Variants in FRMPD4 observed in about 807,000 individuals in gnomAD.
FRMPD4 encodes the protein FERM and PDZ domain-containing protein 4.
FRMPD4 carries 22 observed loss-of-function variants against 94.1 expected under a neutral mutation model. The observed-to-expected ratio is 0.23, with a 90% CI of 0.17 to 0.33. The LOEUF (loss-of-function observed/expected upper bound fraction) is 0.33, where lower values mean the gene tolerates loss of function less well. Ranked by LOEUF, FRMPD4 falls within the 10% of genes least tolerant of loss-of-function variation. FRMPD4 has a pLI of 1.00. For missense variants in FRMPD4, 1,111 were observed against 1,339.9 expected (o/e 0.83, Z 2.67); for synonymous variants, 631 against 548.6 (o/e 1.15, Z -2.10).
At chrX:12,046,308 G>A (rs1291477111) in intron 3 of FRMPD4, among the ~76,000 whole-genome samples, 1 of 111,149 alleles carries the variant, frequency 9.0e-6, no homozygotes, top group Non-Finnish European at 1.9e-5. Context: ...AACTCACCAC[G>A]TTTTTTTCTC....
chrX:12,216,097 T>A (rs5978502), intron 1 of FRMPD4, among the ~76,000 whole-genome samples: 9,830 of 111,766 alleles, frequency 0.088, 1,023 homozygotes, highest in African/African-American at 0.3. Flanking sequence ...TAGCTGTGTA[T>A]TCAATTACCC....
chrX:11,997,264 T>C (rs181325758), intron 3 of FRMPD4, among the ~76,000 whole-genome samples: 67 of 111,162 alleles, frequency 6.0e-4, no homozygotes, highest in African/African-American at 2.1e-3. Flanking sequence ...AAAACTAGGC[T>C]CAAAGATGTT....
chrX:12,695,078 C>G (rs2060114988), intron 9 of FRMPD4, among the ~76,000 whole-genome samples: 1 of 111,935 alleles, frequency 8.9e-6, no homozygotes, highest in Non-Finnish European at 1.9e-5. Context: ...TGGAACATTC[C>G]TCAGCCCTTT....
intron 1 of FRMPD4, among the ~76,000 whole-genome samples, chrX:11,839,501 TA>T (rs1380706678): frequency 2.1e-4 from 23 of 111,812 alleles, no homozygotes; most frequent in Non-Finnish European, 4.0e-4. Flanking sequence ...AAAAGCCCTT[TA>T]TTAGATATAT....
At chrX:11,830,928 G>T (rs2053471169) in intron 1 of FRMPD4, among the ~76,000 whole-genome samples, 1 of 111,329 alleles carries the variant, frequency 9.0e-6, no homozygotes, top group Admixed American at 9.6e-5. Context: ...CTTATATTTG[G>T]CTACATACGG....
At chrX:12,650,122 A>G (rs181557580) in intron 4 of FRMPD4, among the ~76,000 whole-genome samples, 4 of 112,790 alleles carry the variant, frequency 3.5e-5, no homozygotes, top group Admixed American at 9.3e-5. Context: ...AAAAGGTAGC[A>G]GGAAGTTCTA....
At chrX:12,129,581 T>A (rs1474227472) in intron 3 of FRMPD4, among the ~76,000 whole-genome samples, 6 of 111,696 alleles carry the variant, frequency 5.4e-5, no homozygotes, top group Non-Finnish European at 9.4e-5. Context: ...TATACCTCCC[T>A]CCTTTGAACA....
intron 2 of FRMPD4, among the ~76,000 whole-genome samples, chrX:12,595,698 T>C (rs1255627364): frequency 8.9e-6 from 1 of 112,387 alleles, no homozygotes; most frequent in Non-Finnish European, 1.9e-5. Flanking sequence ...ATTATTATTT[T>C]GAAGGGTCCA....
rs756569365 is a variant in FRMPD4, at chrX:12,546,667, T to C, written c.158+47871T>C. On this transcript the variant is annotated intron_variant, in intron 2 of 16. Coordinates refer to ENST00000675598, the MANE Select transcript of FRMPD4 (RefSeq NM_001368397.1). Reference sequence around the variant, plus strand: ...AGAGGTACCTGGTTAATATATAATATAGCTGTAGTTGGGAATACAAAGGGA... The same window carrying C: ...AGAGGTACCTGGTTAATATATAATACAGCTGTAGTTGGGAATACAAAGGGA... 4.5e-5 allele frequency among the ~76,000 whole-genome samples: 5 copies of C among 111,613 alleles called. No homozygotes were observed. In the South Asian group the frequency reaches 1.9e-3, roughly 42 times the overall value.
At chrX:12,473,662 A>G (rs1208224441) in intron 1 of FRMPD4, among the ~76,000 whole-genome samples, 3 of 109,859 alleles carry the variant, frequency 2.7e-5, no homozygotes, top group Non-Finnish European at 5.6e-5. Flanking sequence ...AGGGGTTGCA[A>G]TCCTAGTCTC....
At chrX:12,407,021 A>T (rs1466321667) in intron 1 of FRMPD4, among the ~76,000 whole-genome samples, 4 of 110,567 alleles carry the variant, frequency 3.6e-5, no homozygotes, top group African/African-American at 1.3e-4. Context: ...TCTTTGCCTC[A>T]TAGCTCCAAA....
At chrX:12,336,702 A>G (rs186641901) in intron 1 of FRMPD4, among the ~76,000 whole-genome samples, 24 of 111,344 alleles carry the variant, frequency 2.2e-4, no homozygotes, top group East Asian at 1.4e-3. Context: ...ACTTTTAAAA[A>G]CTAACTATGT....
intron 7 of FRMPD4, among the ~76,000 whole-genome samples, chrX:12,688,938 G>A (rs1455084974): frequency 1.8e-5 from 2 of 109,486 alleles, no homozygotes; most frequent in Admixed American, 9.8e-5. Flanking sequence ...TAAGGTTTCC[G>A]GATCTTGACA....
At chrX:12,012,383 G>A (rs1006397225) in intron 3 of FRMPD4, among the ~76,000 whole-genome samples, 1 of 111,887 alleles carries the variant, frequency 8.9e-6, no homozygotes, top group Non-Finnish European at 1.9e-5. Context: ...CCTTTACCAG[G>A]TTGAGGAAGT....
chrX:12,284,621 C>T (rs768553735), intron 1 of FRMPD4, among the ~76,000 whole-genome samples: 2 of 111,919 alleles, frequency 1.8e-5, no homozygotes, highest in African/African-American at 6.5e-5. Context: ...ATTCATGTCA[C>T]CTTGATAGTG....
At chrX:12,176,055 C>T (rs909620914) in intron 1 of FRMPD4, among the ~76,000 whole-genome samples, 1 of 111,887 alleles carries the variant, frequency 8.9e-6, no homozygotes, top group East Asian at 2.8e-4. Context: ...GTAAATACTC[C>T]GTCACCAATT....
At chrX:12,195,372 C>A (rs1381695852) in intron 1 of FRMPD4, among the ~76,000 whole-genome samples, 1 of 111,620 alleles carries the variant, frequency 9.0e-6, no homozygotes, top group Non-Finnish European at 1.9e-5. Flanking sequence ...TACAGCTACA[C>A]GGCAAGGATA....
At chrX:12,137,623 G>T (rs968626424), upstream of FRMPD4, among the ~76,000 whole-genome samples, 4 of 111,645 alleles carry the variant, frequency 3.6e-5, no homozygotes, top group African/African-American at 1.3e-4. Context: ...AGAGGAAGAA[G>T]AAAAAGGGGC....
chrX:11,828,269 T>G (rs1005423832), intron 1 of FRMPD4, among the ~76,000 whole-genome samples: 1 of 112,088 alleles, frequency 8.9e-6, no homozygotes, highest in Non-Finnish European at 1.9e-5. Flanking sequence ...AAATTAACAT[T>G]TAGTAGACAG....
Sources: allele counts gnomAD v4.1 joint callset (sites outside exome capture counted in the v4.1 genomes callset), GRCh38; gene constraint gnomAD v4.1.1; transcripts MANE v1.5; gene names NCBI Gene and HGNC (gene_info 2026-07-23, HGNC 2026-07-21).